Variants in FFAR4 observed in about 807,000 individuals in gnomAD.
FFAR4 encodes G-protein coupled receptor 120.
Under a neutral mutation model 27.0 loss-of-function variants are expected in FFAR4, and 19 were observed. The ratio of observed to expected loss-of-function variants is 0.70; its 90% CI spans 0.49 to 1.03. FFAR4 has a LOEUF of 1.03. Among genes scored for constraint, FFAR4 ranks in the 50% least tolerant of loss-of-function variants. The pLI is 0.00. For missense variants in FFAR4, 476 were observed against 479.0 expected (o/e 0.99, Z 0.06); for synonymous variants, 254 against 215.6 (o/e 1.18, Z -1.56).
At position 93,585,587 on chromosome 10, in the gene FFAR4, G is replaced by C. The variant is rs182570020; in HGVS notation, c.697-1633G>C. Among the ~76,000 whole-genome samples the C allele has an allele frequency of 3.9e-5, 6 of 152,364 alleles. No individual in the cohort carries two copies. In the East Asian group the frequency reaches 1.2e-3, roughly 29 times the overall value. On this transcript the variant is annotated intron_variant, in intron 2 of 2. Transcript: ENST00000371481. ...GATGTGGGTTTGTGGTGCTGGAGCT[G>C]GGAGGAGGACAGAGAAGGAGGATGG...
At chr10:93,576,344 C>A in intron 2 of FFAR4, 125 bp downstream of exon 2, 1 of 937,934 alleles carries the variant, frequency 1.1e-6, no homozygotes, top group Non-Finnish European at 1.7e-6. Context: ...GATTCACTGC[C>A]CAGGTCTACA....
At chr10:93,574,189 G>A (rs139533927) in intron 1 of FFAR4, among the ~76,000 whole-genome samples, 1 of 152,136 alleles carries the variant, frequency 6.6e-6, no homozygotes, top group African/African-American at 2.4e-5. Flanking sequence ...ATGGTTTAGG[G>A]ACCTGCTTTT....
At chr10:93,583,185 G>T (rs1458139102) in intron 2 of FFAR4, among the ~76,000 whole-genome samples, 2 of 149,748 alleles carry the variant, frequency 1.3e-5, no homozygotes, top group African/African-American at 4.9e-5. Context: ...GGTGGATCAC[G>T]AGGTCAGGAG....
chr10:93,573,558 C>A (rs1468606666), intron 1 of FFAR4, among the ~76,000 whole-genome samples: 1 of 152,140 alleles, frequency 6.6e-6, no homozygotes, highest in South Asian at 2.1e-4. Flanking sequence ...GTGGGCATGG[C>A]ACCTGTTATT....
rs144899582 is a variant in FFAR4 at position 93,588,655 on chromosome 10, T to C, written c.*1046T>C. On this transcript the variant is annotated 3_prime_UTR_variant, in exon 3 of 3. Coordinates refer to ENST00000371481, the MANE Select transcript of FFAR4 (RefSeq NM_001195755.2). ...ACCTTCGAGTCAGGGGCAGAAAAACTAAATAAAAGTCAATAAACTATATCT... is the reference window on the plus strand; with the variant it reads ...ACCTTCGAGTCAGGGGCAGAAAAACCAAATAAAAGTCAATAAACTATATCT... 2.6e-5 allele frequency: 4 copies of C among 152,282 alleles called. No individual in the cohort carries two copies. The highest frequency in any genetic ancestry group is 4.4e-5 in the Non-Finnish European group (3 of 68,028). 9.4% of individuals were successfully genotyped at this position (152,282 alleles called of 1,614,324 possible).
chr10:93,566,794 T>C lies in FFAR4; in HGVS notation c.74T>C (p.Phe25Ser). 6.2e-7 allele frequency: 1 copy of C among 1,608,752 alleles called. No individual in the cohort carries two copies. Among genetic ancestry groups the C allele is most frequent in the East Asian group, 2.2e-5 (1 of 44,722 alleles). ...CTGGAGCAAGCCAACCGCACCCGCTTTCCCTTCTTCTCCGACGTCAAGGGC... is the reference window on the plus strand; with the variant it reads ...CTGGAGCAAGCCAACCGCACCCGCTCTCCCTTCTTCTCCGACGTCAAGGGC... ...RSLEQANRTR[F>S]PFFSDVKGDH... The change falls in exon 1 of 3, where the codon TTT becomes TCT. Residue 25 changes from phenylalanine (F) to serine (S), a missense_variant. Phe to Ser is a radical substitution (Grantham distance 155). Coordinates refer to ENST00000371481, the MANE Select transcript of FFAR4 (RefSeq NM_001195755.2).
chr10:93,571,414 A>AGTCAC (rs1276040766), intron 1 of FFAR4, among the ~76,000 whole-genome samples: 2 of 152,218 alleles, frequency 1.3e-5, no homozygotes, highest in Admixed American at 1.3e-4. Flanking sequence ...TGGTCCTCAC[A>AGTCAC]GTCACCCCAC....
intron 2 of FFAR4, among the ~76,000 whole-genome samples, chr10:93,576,709 A>G (rs1335977317): frequency 6.6e-6 from 1 of 152,156 alleles, no homozygotes; most frequent in Non-Finnish European, 1.5e-5. Context: ...TTCACTTAAC[A>G]TTATATCTTA....
At chr10:93,578,911 A>G (rs1412439054) in intron 2 of FFAR4, among the ~76,000 whole-genome samples, 2 of 152,160 alleles carry the variant, frequency 1.3e-5, no homozygotes, top group Non-Finnish European at 2.9e-5. Flanking sequence ...TGAGTTCCTT[A>G]GGCGCCAAGA....
intron 1 of FFAR4, among the ~76,000 whole-genome samples, chr10:93,570,578 A>C (rs1003790334): frequency 6.6e-6 from 1 of 152,216 alleles, no homozygotes; most frequent in Admixed American, 6.5e-5. Context: ...GAGAGAATCA[A>C]CCAAGCCTAA....
In FFAR4 at chr10:93,587,568, A is replaced by C; in HGVS notation, c.1045A>C (p.Thr349Pro). 1.9e-6 allele frequency: 3 copies of C among 1,613,706 alleles called. No individual in the cohort carries two copies. The highest frequency in any genetic ancestry group is 2.5e-6 in the Non-Finnish European group (3 of 1,179,920). The change falls in exon 3 of 3, where the codon ACA becomes CCA. Residue 349 changes from threonine (T) to proline (P), a missense_variant. Physicochemically the swap from Thr to Pro is conservative, Grantham distance 38. Transcript: ENST00000371481. ...AGAAAAGGGAGCCATTTTAACAGAC[A>C]CATCTGTCAAAAGAAATGACTTGTC... ...FPEKGAILTD[T>P]SVKRNDLSII...
intron 1 of FFAR4, among the ~76,000 whole-genome samples, chr10:93,571,179 C>G (rs866920671): frequency 6.6e-6 from 1 of 152,208 alleles, no homozygotes; most frequent in African/African-American, 2.4e-5. Flanking sequence ...TCAGCTCACC[C>G]TGCTTCAACA....
chr10:93,586,380 G>A (rs55658605), intron 2 of FFAR4, among the ~76,000 whole-genome samples: 18,396 of 152,084 alleles, frequency 0.12, 1,342 homozygotes, highest in South Asian at 0.28. Context: ...CCCCAGCCCC[G>A]CAGAACTATG....
intron 1 of FFAR4, among the ~76,000 whole-genome samples, chr10:93,573,949 T>A (rs890716451): frequency 5.9e-5 from 9 of 152,216 alleles, no homozygotes; most frequent in African/African-American, 2.2e-4. Flanking sequence ...AGGCACATCA[T>A]GGAAAATTAG....
In FFAR4 at chr10:93,587,656, C is replaced by CTT; in HGVS notation, c.*50_*51dup. The stretch of plus-strand genomic sequence containing the variant: ...CTCACACCTGGCGAGCTGTGGCATG[C>CTT]TTTTAAACAGAGTTCATTTCCAGTA... On this transcript the variant is annotated 3_prime_UTR_variant, in exon 3 of 3. Transcript: ENST00000371481. The CTT allele has an allele frequency of 6.4e-7, 1 of 1,565,268 alleles. No individual in the cohort carries two copies. Among genetic ancestry groups the CTT allele is most frequent in the Admixed American group, 1.7e-5 (1 of 57,414 alleles).
rs749409146 is a variant in FFAR4 at position 93,587,266 on chromosome 10, C to T, written c.743C>T (p.Ser248Leu). The change falls in exon 3 of 3, where the codon TCG becomes TTG. Residue 248 changes from serine (S) to leucine (L), a missense_variant. Physicochemically the swap from Ser to Leu is moderately radical, Grantham distance 145. Coordinates refer to ENST00000371481, the MANE Select transcript of FFAR4 (RefSeq NM_001195755.2). ...AGGCTCACGGTAAGCCTGGCCTACT[C>T]GGAGAGCCACCAGATCCGCGTGTCC... The part of the protein sequence containing the change: ...RKRLTVSLAY[S>L]ESHQIRVSQQ... 3.1e-6 allele frequency: 5 copies of T among 1,614,120 alleles called. No homozygotes were observed. Among genetic ancestry groups the T allele is most frequent in the East Asian group, 2.2e-5 (1 of 44,870 alleles).
intron 2 of FFAR4, among the ~76,000 whole-genome samples, chr10:93,581,206 A>G (rs1333255596): frequency 6.6e-6 from 1 of 152,204 alleles, no homozygotes; most frequent in Admixed American, 6.5e-5. Flanking sequence ...TGGCTTGCAG[A>G]TGGAAAACCC....
At chr10:93,586,683 G>A (rs971043818) in intron 2 of FFAR4, among the ~76,000 whole-genome samples, 4 of 152,148 alleles carry the variant, frequency 2.6e-5, no homozygotes, top group Non-Finnish European at 4.4e-5. Flanking sequence ...AGTGTGGTGC[G>A]TGGTGTGGGC....
chr10:93,584,477 A>G (rs946572400), intron 2 of FFAR4, among the ~76,000 whole-genome samples: 7 of 152,214 alleles, frequency 4.6e-5, no homozygotes, highest in African/African-American at 1.7e-4. Flanking sequence ...GTACAAATCT[A>G]GAGTAGGTAT....
Sources: gnomAD v4.1 joint callset for allele counts (sites outside exome capture counted in the v4.1 genomes callset) on GRCh38, gnomAD v4.1.1 for gene constraint, MANE v1.5 for transcripts, NCBI Gene and HGNC (gene_info 2026-07-23, HGNC 2026-07-21) for gene names.